The following NTRK3 variants were observed in gnomAD, a reference collection of about 807,000 sequenced individuals.
The protein encoded by NTRK3 is NT-3 growth factor receptor.
A neutral mutation model predicts 91.7 loss-of-function variants in NTRK3; 24 were observed. The ratio of observed to expected loss-of-function variants is 0.26; its 90% confidence interval spans 0.19 to 0.37. The LOEUF (loss-of-function observed/expected upper bound fraction) is 0.37. Among genes scored for constraint, NTRK3 ranks in the 10% least tolerant of loss-of-function variants. The probability of loss-of-function intolerance (pLI) is 1.00; values close to 1 mark genes in which losing one functional copy is unlikely to be tolerated. For missense variants in NTRK3, 880 were observed against 1,068.9 expected (o/e 0.82, Z 2.46); for synonymous variants, 483 against 404.0 (o/e 1.20, Z -2.34).
intron 14 of NTRK3, among the ~76,000 whole-genome samples, chr15:88,008,457 C>G (rs932917746): frequency 1.3e-5 from 2 of 152,026 alleles, no homozygotes; most frequent in African/African-American, 4.8e-5. Flanking sequence ...AGACCAAGAA[C>G]CAGGATCTCC....
intron 14 of NTRK3, among the ~76,000 whole-genome samples, chr15:87,955,070 G>A (rs2071522846): frequency 6.6e-6 from 1 of 152,178 alleles, no homozygotes; most frequent in Non-Finnish European, 1.5e-5. Flanking sequence ...GTGATCTACT[G>A]CTAACATTTG....
chr15:87,978,735 A>C (rs972176143), intron 14 of NTRK3: 12 of 233,626 alleles, frequency 5.1e-5, no homozygotes, highest in African/African-American at 2.4e-4. Flanking sequence ...TAAAAATAAA[A>C]ATGTAAAGTG....
At chr15:87,897,877 C>T (rs533744185) in intron 17 of NTRK3, among the ~76,000 whole-genome samples, 38 of 152,132 alleles carry the variant, frequency 2.5e-4, no homozygotes, top group African/African-American at 6.3e-4. Flanking sequence ...TCCAAAAGAA[C>T]GAAGGAAATA....
Position 87,864,343 on chromosome 15 carries a change from G to C in NTRK3, c.*12592C>G, listed in dbSNP as rs960184608. On this transcript the variant is annotated 3_prime_UTR_variant, in exon 19 of 19. Transcript: ENST00000394480. ...AATACAATCAATCTTTTCTAGCCTG[G>C]AAAAGGAAGTATCCTAAGAAAGGCT... The C allele has an allele frequency of 3.0e-5, 7 of 231,452 alleles. No individual in the cohort carries two copies. In the Admixed American group the frequency reaches 4.0e-4, roughly 13 times the overall value. 14.3% of individuals were successfully genotyped at this position (231,452 alleles called of 1,614,324 possible). A position where few individuals can be genotyped will look rare whatever the true frequency, so the allele number is the denominator to read the frequency against.
At chr15:88,023,344 CCTAGCATCA>C (rs2077748212) in intron 14 of NTRK3, among the ~76,000 whole-genome samples, 1 of 152,156 alleles carries the variant, frequency 6.6e-6, no homozygotes, top group Non-Finnish European at 1.5e-5. Flanking sequence ...GCTTACCAAA[CCTAGCATCA>C]CAGAATTCCT....
intron 17 of NTRK3, among the ~76,000 whole-genome samples, chr15:87,905,721 C>G (rs979964204): frequency 1.3e-5 from 2 of 152,162 alleles, no homozygotes; most frequent in South Asian, 2.1e-4. Context: ...TGCATGCATT[C>G]TCCCCACCTC....
intron 14 of NTRK3, among the ~76,000 whole-genome samples, chr15:88,009,911 AT>A (rs915277221): frequency 7.9e-5 from 12 of 152,178 alleles, no homozygotes; most frequent in African/African-American, 2.9e-4. Flanking sequence ...TCCAAACAAT[AT>A]AGTGGATTCC....
At chr15:88,228,983 A>G (rs150249438) in intron 3 of NTRK3, among the ~76,000 whole-genome samples, 234 of 151,790 alleles carry the variant, frequency 1.5e-3, no homozygotes, top group African/African-American at 5.3e-3. Flanking sequence ...CTCACTCCTT[A>G]CCCCTCCCTG....
At chr15:88,104,889 G>T (rs149824695) in intron 13 of NTRK3, among the ~76,000 whole-genome samples, 36 of 152,342 alleles carry the variant, frequency 2.4e-4, no homozygotes, top group Non-Finnish European at 4.9e-4. Flanking sequence ...GTCCTTTTAT[G>T]TTTAGAAGAC....
intron 17 of NTRK3, among the ~76,000 whole-genome samples, chr15:87,901,336 A>T (rs2066441745): frequency 6.6e-6 from 1 of 152,208 alleles, no homozygotes; most frequent in African/African-American, 2.4e-5. Flanking sequence ...GTTTCCAAAA[A>T]ATATAGAAGG....
intron 13 of NTRK3, among the ~76,000 whole-genome samples, chr15:88,056,952 C>T (rs1374907285): frequency 6.6e-6 from 1 of 151,838 alleles, no homozygotes; most frequent in Non-Finnish European, 1.5e-5. Flanking sequence ...GGGCGGATCA[C>T]GAGGTCAGGA....
chr15:88,217,553 A>G (rs1033931259), intron 3 of NTRK3, among the ~76,000 whole-genome samples: 1 of 152,120 alleles, frequency 6.6e-6, no homozygotes, highest in Non-Finnish European at 1.5e-5. Context: ...GAACAGCCAG[A>G]TTTCTAGAGA....
intron 13 of NTRK3, among the ~76,000 whole-genome samples, chr15:88,067,318 A>G (rs1049664053): frequency 6.6e-6 from 1 of 152,122 alleles, no homozygotes; most frequent in Non-Finnish European, 1.5e-5. Context: ...AACTCCCTAC[A>G]ATAATTATCT....
chr15:88,017,205 C>T (rs1001077872), intron 14 of NTRK3, among the ~76,000 whole-genome samples: 8 of 152,132 alleles, frequency 5.3e-5, no homozygotes, highest in East Asian at 1.9e-4. Flanking sequence ...TGCTCCCTCA[C>T]AGAGGGGCCT....
chr15:88,102,321 AC>A (rs2050257347), intron 13 of NTRK3, among the ~76,000 whole-genome samples: 1 of 152,204 alleles, frequency 6.6e-6, no homozygotes, highest in South Asian at 2.1e-4. Context: ...ATTTAGTTAT[AC>A]CAAAAAAACA....
At chr15:87,973,419 A>G (rs536455097) in intron 14 of NTRK3, among the ~76,000 whole-genome samples, 5 of 152,190 alleles carry the variant, frequency 3.3e-5, no homozygotes, top group African/African-American at 4.8e-5. Flanking sequence ...TCTTGCCAGC[A>G]TATCTCCTTC....
chr15:87,933,632 C>T (rs762094974), intron 15 of NTRK3, among the ~76,000 whole-genome samples: 4 of 152,252 alleles, frequency 2.6e-5, no homozygotes, highest in Non-Finnish European at 5.9e-5. Context: ...TGCTCATAGC[C>T]TATTGGAAAC....
intron 14 of NTRK3, among the ~76,000 whole-genome samples, chr15:87,941,496 C>G (rs1029887690): frequency 6.8e-6 from 1 of 147,930 alleles, no homozygotes; most frequent in Non-Finnish European, 1.5e-5. Flanking sequence ...CACACACACA[C>G]AAAGACACAT....
chr15:87,929,465 A>G (rs1328846384), intron 16 of NTRK3, 31 bp from the exon 17 acceptor site: 4 of 1,611,534 alleles, frequency 2.5e-6, no homozygotes, highest in Non-Finnish European at 3.4e-6. Context: ...GAGAGGGGGC[A>G]GAGAGAAATC....
Sources: allele counts gnomAD v4.1 joint callset (sites outside exome capture counted in the v4.1 genomes callset), GRCh38; gene constraint gnomAD v4.1.1; transcripts MANE v1.5; gene names NCBI Gene and HGNC (gene_info 2026-07-23, HGNC 2026-07-21).